The following LINC00632 variants were observed in gnomAD, a reference collection of about 807,000 sequenced individuals.
The protein encoded by LINC00632 is long independently transcribed non-coding RNA 632.
exon 5 of LINC00632, among the ~76,000 whole-genome samples, chrX:140,785,683 G>C (rs1932008750): frequency 8.9e-6 from 1 of 111,963 alleles, no homozygotes; most frequent in Non-Finnish European, 1.9e-5. Context: ...AACACTTTCT[G>C]ATACCATTTT....
chrX:140,768,644 T>G (rs1208149200), intron 3 of LINC00632, among the ~76,000 whole-genome samples: 4 of 33,070 alleles, frequency 1.2e-4, no homozygotes, highest in African/African-American at 2.3e-4. Context: ...CTATATAATA[T>G]ATTTATTATA....
At chrX:140,775,703 G>A (rs1197824068) in exon 5 of LINC00632, among the ~76,000 whole-genome samples, 1 of 111,130 alleles carries the variant, frequency 9.0e-6, no homozygotes, top group Non-Finnish European at 1.9e-5. Flanking sequence ...TATATAACTT[G>A]AGAAAGCATA....
chrX:140,747,757 G>A (rs1931348526), intron 3 of LINC00632, among the ~76,000 whole-genome samples: 1 of 111,295 alleles, frequency 9.0e-6, no homozygotes, highest in African/African-American at 3.3e-5. Context: ...AAATTCCTCT[G>A]GCTGTGCCTT....
exon 5 of LINC00632, among the ~76,000 whole-genome samples, chrX:140,776,516 C>T (rs1032232058): frequency 1.8e-5 from 2 of 113,012 alleles, no homozygotes; most frequent in Non-Finnish European, 3.8e-5. Context: ...TCCCGCCACC[C>T]GCCGGGGTCC....
Position 140,759,201 on chromosome X carries a change from C to T in LINC00632, n.192-12877C>T, listed in dbSNP as rs779677918. On this transcript the variant is annotated intron_variant and non_coding_transcript_variant, in intron 3 of 4. Transcript: ENST00000648200. ...GTTGGTCAGGCTGGTCTCGAACTCC[C>T]GACCTCAGGTGATCTGCCCACCTCG... Among the ~76,000 whole-genome samples the T allele has an allele frequency of 6.6e-5, 7 of 106,043 alleles. No homozygotes were observed. In the South Asian group the frequency reaches 1.7e-3, roughly 26 times the overall value. 92.1% of individuals were successfully genotyped at this position (106,043 alleles called of 115,157 possible).
chrX:140,757,662 G>A, intron 3 of LINC00632, among the ~76,000 whole-genome samples: 1 of 111,468 alleles, frequency 9.0e-6, no homozygotes, highest in East Asian at 2.8e-4. Flanking sequence ...CGCCTCCTGG[G>A]TTCAAGCGAT....
At chrX:140,775,188 CA>C (rs1931856390) in exon 5 of LINC00632, among the ~76,000 whole-genome samples, 1 of 111,559 alleles carries the variant, frequency 9.0e-6, no homozygotes, top group Non-Finnish European at 1.9e-5. Flanking sequence ...GAATATCCTC[CA>C]AAAAATGGAT....
chrX:140,732,579 T>C (rs1394899763), intron 2 of LINC00632, among the ~76,000 whole-genome samples: 3 of 111,470 alleles, frequency 2.7e-5, no homozygotes, highest in Admixed American at 9.6e-5. Flanking sequence ...TAAATGCACA[T>C]TGAATATATG....
At chrX:140,764,424 A>C (rs1378425021) in intron 3 of LINC00632, among the ~76,000 whole-genome samples, 3 of 110,784 alleles carry the variant, frequency 2.7e-5, no homozygotes, top group African/African-American at 6.6e-5. Flanking sequence ...GCATACTGCA[A>C]CTAGGTCAGA....
intron 2 of LINC00632, among the ~76,000 whole-genome samples, chrX:140,718,139 A>AG (rs1851990392): frequency 9.0e-6 from 1 of 110,744 alleles, no homozygotes; most frequent in Admixed American, 9.7e-5. Flanking sequence ...TCCGTCTCAA[A>AG]GAAAAAAAAA....
intron 2 of LINC00632, among the ~76,000 whole-genome samples, chrX:140,727,885 A>G (rs1324989937): frequency 8.9e-6 from 1 of 111,887 alleles, no homozygotes; most frequent in Non-Finnish European, 1.9e-5. Context: ...CACTATGAGA[A>G]GAAGAGATCC....
At chrX:140,733,292 A>G (rs776956268) in intron 2 of LINC00632, among the ~76,000 whole-genome samples, 1 of 112,715 alleles carries the variant, frequency 8.9e-6, no homozygotes, top group Non-Finnish European at 1.9e-5. Context: ...TCACAGAAAT[A>G]GAAACATGTG....
exon 5 of LINC00632, among the ~76,000 whole-genome samples, chrX:140,778,091 C>A (rs948307860): frequency 8.9e-6 from 1 of 112,171 alleles, no homozygotes; most frequent in Non-Finnish European, 1.9e-5. Flanking sequence ...TATTTCCCCT[C>A]TGGGTTATAG....
Position 140,713,419 on chromosome X carries a change from G to C in LINC00632, n.104+1763G>C, listed in dbSNP as rs1291420026. 3 of 290,228 alleles carry C rather than the reference G, an allele frequency of 1.0e-5. No homozygotes were observed. In the East Asian group the frequency reaches 3.0e-4, roughly 29 times the overall value. The allele number at this position is 290,228 out of a possible 1,213,427, so 23.9% of individuals were successfully genotyped here. ...TGGGACGGGTTACTTAAATCTCTTC[G>C]TTTCCTCAGATGTAAAATGGGGATG... On this transcript the variant is annotated intron_variant and non_coding_transcript_variant, in intron 2 of 4. Coordinates refer to ENST00000648200, the Ensembl canonical transcript of LINC00632.
chrX:140,763,129 C>G (rs1379624925), intron 3 of LINC00632, among the ~76,000 whole-genome samples: 1 of 112,157 alleles, frequency 8.9e-6, no homozygotes, highest in Non-Finnish European at 1.9e-5. Flanking sequence ...GGCGCGGTGG[C>G]TCACGCCTGT....
At chrX:140,742,144 T>A (rs1004312915) in intron 3 of LINC00632, among the ~76,000 whole-genome samples, 1 of 111,879 alleles carries the variant, frequency 8.9e-6, no homozygotes, top group Non-Finnish European at 1.9e-5. Context: ...ATTGGTTACA[T>A]CTTACCTAAA....
At chrX:140,725,567 A>G (rs1010050800) in intron 2 of LINC00632, among the ~76,000 whole-genome samples, 3 of 111,904 alleles carry the variant, frequency 2.7e-5, no homozygotes, top group South Asian at 7.4e-4. Context: ...CATTAACCCA[A>G]CGAAATACTT....
exon 5 of LINC00632, among the ~76,000 whole-genome samples, chrX:140,776,295 C>A (rs987371113): frequency 1.8e-5 from 2 of 112,710 alleles, no homozygotes; most frequent in South Asian, 7.3e-4. Context: ...GCAGCCACCC[C>A]CTCGCCCATC....
chrX:140,742,337 G>A lies in LINC00632; in HGVS notation n.191+8373G>A, dbSNP rs987912623. 7.2e-5 allele frequency among the ~76,000 whole-genome samples: 8 copies of A among 111,426 alleles called. 1 individual carries two copies. Among genetic ancestry groups the A allele is most frequent in the Admixed American group, 1.9e-4 (2 of 10,409 alleles). ...ATGTAGGGCTCTTAGCTTGATTAGT[G>A]TAGGGTACACTCTTGGGATTTCTAT... On this transcript the variant is annotated intron_variant and non_coding_transcript_variant, in intron 3 of 4. Coordinates refer to ENST00000648200, the Ensembl canonical transcript of LINC00632.
Sources: gnomAD v4.1 joint callset for allele counts (sites outside exome capture counted in the v4.1 genomes callset) on GRCh38, gnomAD v4.1.1 for gene constraint, MANE v1.5 for transcripts, NCBI Gene and HGNC (gene_info 2026-07-23, HGNC 2026-07-21) for gene names.